Variants in OR2C1 observed in about 807,000 individuals in gnomAD.
OR2C1 encodes the protein olfactory receptor family 2 subfamily C member 1.
For synonymous variants in OR2C1, 209 were observed against 167.3 expected (o/e 1.25, Z -1.92); for missense variants, 468 against 388.3 (o/e 1.21, Z -1.73).
At chr16:3,342,821 G>A in the OR2C1 span, among the ~76,000 whole-genome samples, 3,735 of 152,196 alleles carry the variant, frequency 0.025, 141 homozygotes, top group African/African-American at 0.085. Flanking sequence ...AGGTTGCAGT[G>A]AGCCGAGATC....
At chr16:3,330,922 A>T in the OR2C1 span, among the ~76,000 whole-genome samples, 160 of 150,960 alleles carry the variant, frequency 1.1e-3, no homozygotes, top group African/African-American at 3.5e-3. Flanking sequence ...GTAATTAAAA[A>T]TTTTTTTTTT....
At chr16:3,352,078 T>C (rs374628304), upstream of OR2C1, among the ~76,000 whole-genome samples, 16 of 152,150 alleles carry the variant, frequency 1.1e-4, no homozygotes, top group East Asian at 3.9e-4. Context: ...GTGGCCTAGA[T>C]TTCCTTAATC....
chr16:3,343,541 C>T, the OR2C1 span, among the ~76,000 whole-genome samples: 2 of 152,154 alleles, frequency 1.3e-5, no homozygotes, highest in Admixed American at 6.5e-5. Flanking sequence ...CACCTGAGGT[C>T]AGTAGTTTGA....
the OR2C1 span, among the ~76,000 whole-genome samples, chr16:3,348,615 G>A: frequency 6.6e-6 from 1 of 152,142 alleles, no homozygotes; most frequent in Non-Finnish European, 1.5e-5. Context: ...AGGCCCACAG[G>A]ACAGTGGGCC....
the OR2C1 span, chr16:3,323,318 T>A: frequency 9.3e-7 from 1 of 1,072,654 alleles, no homozygotes; most frequent in Admixed American, 1.7e-5. Flanking sequence ...AAAAGAACCA[T>A]GAGATCTCCT....
the OR2C1 span, among the ~76,000 whole-genome samples, chr16:3,327,915 T>TC: frequency 6.6e-6 from 1 of 152,164 alleles, no homozygotes; most frequent in Non-Finnish European, 1.5e-5. Context: ...ATAGTTCACC[T>TC]CCCTCTTAGT....
chr16:3,335,585 A>G, the OR2C1 span, among the ~76,000 whole-genome samples: 3 of 122,180 alleles, frequency 2.5e-5, no homozygotes, highest in Admixed American at 3.4e-4. Context: ...GGAGTGCAGT[A>G]GCGCAATATT....
At chr16:3,334,924 T>A in the OR2C1 span, among the ~76,000 whole-genome samples, 1 of 152,258 alleles carries the variant, frequency 6.6e-6, no homozygotes, top group South Asian at 2.1e-4. Flanking sequence ...GTTCAAGTGA[T>A]TCTCCTGCCT....
chr16:3,329,492 C>A, the OR2C1 span, among the ~76,000 whole-genome samples: 5 of 152,076 alleles, frequency 3.3e-5, no homozygotes, highest in East Asian at 9.6e-4. Flanking sequence ...CTCTGTCGCC[C>A]AGGCTGGAGT....
chr16:3,353,082 G>A (rs1427846511), upstream of OR2C1, among the ~76,000 whole-genome samples: 1 of 151,954 alleles, frequency 6.6e-6, no homozygotes, highest in Admixed American at 6.6e-5. Context: ...AAGGGAACAA[G>A]CACCTGAACT....
At chr16:3,323,811 T>C in the OR2C1 span, 1 of 957,340 alleles carries the variant, frequency 1.0e-6, no homozygotes, top group Admixed American at 2.1e-5. Context: ...CGCTGCTCCT[T>C]CTTTGCCAAA....
chr16:3,354,686 CAG>C (rs1298183748), upstream of OR2C1, among the ~76,000 whole-genome samples: 3 of 152,186 alleles, frequency 2.0e-5, no homozygotes, highest in African/African-American at 7.2e-5. Flanking sequence ...GGAAATTTAA[CAG>C]AAAATTCTGG....
At chr16:3,341,596 A>T in the OR2C1 span, among the ~76,000 whole-genome samples, 3 of 152,172 alleles carry the variant, frequency 2.0e-5, no homozygotes, top group Non-Finnish European at 4.4e-5. Context: ...AGATTCAATC[A>T]TTTTCTAGAA....
At chr16:3,353,792 C>T (rs1406841128), upstream of OR2C1, among the ~76,000 whole-genome samples, 1 of 151,454 alleles carries the variant, frequency 6.6e-6, no homozygotes. Context: ...CACTGCTAGA[C>T]TCCATCTCAA....
chr16:3,347,830 A>G, the OR2C1 span, among the ~76,000 whole-genome samples: 4 of 98,096 alleles, frequency 4.1e-5, no homozygotes, highest in Non-Finnish European at 4.7e-5. Context: ...ACACACATGC[A>G]CACACATACA....
the OR2C1 span, among the ~76,000 whole-genome samples, chr16:3,345,576 C>G: frequency 6.6e-6 from 1 of 151,948 alleles, no homozygotes; most frequent in South Asian, 2.1e-4. Flanking sequence ...TACACACACA[C>G]ATATATTTGT....
In OR2C1 at chr16:3,355,988, C is replaced by A. The variant is rs778745993; in HGVS notation, c.48C>A (p.Gly16=). 2 of 1,613,810 alleles carry A rather than the reference C, an allele frequency of 1.2e-6. No homozygotes were observed. The highest frequency in any genetic ancestry group is 2.2e-5 in the East Asian group (1 of 44,882). ...DSSLQGFVLM[G]ISDHPQLEMI... Reference sequence around the variant, plus strand: ...CCTTGCAGGGCTTTGTTCTGATGGGCATATCAGACCATCCCCAGCTGGAGA... The same window carrying A: ...CCTTGCAGGGCTTTGTTCTGATGGGAATATCAGACCATCCCCAGCTGGAGA... Residue 16 remains glycine, a synonymous_variant, in exon 1 of 1, where the codon GGC becomes GGA. Coordinates refer to ENST00000304936, the MANE Select transcript of OR2C1 (RefSeq NM_012368.3).
chr16:3,324,189 A>T, the OR2C1 span, among the ~76,000 whole-genome samples: 1 of 152,108 alleles, frequency 6.6e-6, no homozygotes, highest in South Asian at 2.1e-4. Flanking sequence ...TAGGAAAAAA[A>T]ATTTTTTATT....
At chr16:3,345,950 C>T in the OR2C1 span, among the ~76,000 whole-genome samples, 8,574 of 150,060 alleles carry the variant, frequency 0.057, 740 homozygotes, top group East Asian at 0.44. Context: ...CCTCCTGCCT[C>T]AGCATCCCAT....
Sources: gnomAD v4.1 joint callset for allele counts (sites outside exome capture counted in the v4.1 genomes callset) on GRCh38, gnomAD v4.1.1 for gene constraint, MANE v1.5 for transcripts, NCBI Gene and HGNC (gene_info 2026-07-23, HGNC 2026-07-21) for gene names.